Variants in GSTCD observed in about 807,000 individuals in gnomAD.
GSTCD encodes the protein glutathione S-transferase C-terminal domain containing.
A neutral mutation model predicts 68.3 loss-of-function variants in GSTCD; 44 were observed. The observed-to-expected ratio is 0.64, with a 90% confidence interval of 0.51 to 0.83. The LOEUF (loss-of-function observed/expected upper bound fraction) is 0.83, where lower values mean the gene tolerates loss of function less well. Ranked by LOEUF, GSTCD falls within the 40% of genes least tolerant of loss-of-function variation. The probability of loss-of-function intolerance (pLI) is 0.00; values close to 1 mark genes in which losing one functional copy is unlikely to be tolerated. For missense variants in GSTCD, 739 were observed against 735.9 expected (o/e 1.00, Z -0.05); for synonymous variants, 273 against 255.2 (o/e 1.07, Z -0.67).
chr4:105,797,572 T>C (rs1199703728), intron 5 of GSTCD, among the ~76,000 whole-genome samples: 2 of 152,058 alleles, frequency 1.3e-5, no homozygotes, highest in Non-Finnish European at 2.9e-5. Context: ...TTTTTGCTGG[T>C]GGAGGGTCTT....
intron 3 of GSTCD, 98 bp downstream of exon 3, chr4:105,719,625 G>C: frequency 1.2e-6 from 1 of 828,342 alleles, no homozygotes; most frequent in Non-Finnish European, 1.9e-6. Context: ...TCAATATGCT[G>C]CTAGGAAAGT....
intron 5 of GSTCD, among the ~76,000 whole-genome samples, chr4:105,760,628 C>G (rs1294211471): frequency 6.6e-6 from 1 of 152,046 alleles, no homozygotes; most frequent in Non-Finnish European, 1.5e-5. Flanking sequence ...TGAATTTGGC[C>G]TTGAATCAAA....
intron 5 of GSTCD, among the ~76,000 whole-genome samples, chr4:105,763,936 A>T (rs1330686934): frequency 6.6e-6 from 1 of 152,078 alleles, no homozygotes; most frequent in South Asian, 2.1e-4. Flanking sequence ...TAGAATTATT[A>T]TTGGTCACAA....
At chr4:105,719,012 T>C in intron 2 of GSTCD, 48 bp from the exon 3 acceptor site, 1 of 1,403,408 alleles carries the variant, frequency 7.1e-7, no homozygotes, top group East Asian at 2.3e-5. Flanking sequence ...TAAAGTTATA[T>C]TGAAATTAAA....
At chr4:105,845,244 G>A (rs1724502913) in intron 11 of GSTCD, among the ~76,000 whole-genome samples, 197 bp from the exon 12 acceptor site, 1 of 152,156 alleles carries the variant, frequency 6.6e-6, no homozygotes, top group Non-Finnish European at 1.5e-5. Context: ...GCAAATATAT[G>A]AAGTGCCATG....
chr4:105,762,000 C>T (rs746144473), intron 5 of GSTCD: 1 of 152,186 alleles, frequency 6.6e-6, no homozygotes, highest in Admixed American at 6.5e-5. Flanking sequence ...GGAGAAAATT[C>T]CCTAGGTGTT....
chr4:105,823,818 C>A (rs1037354270), intron 7 of GSTCD: 1 of 152,096 alleles, frequency 6.6e-6, no homozygotes, highest in African/African-American at 2.4e-5. Context: ...CACAATGTAT[C>A]CCTTGCTTTC....
intron 1 of GSTCD, among the ~76,000 whole-genome samples, chr4:105,710,544 A>C (rs1340114049): frequency 6.6e-6 from 1 of 151,708 alleles, no homozygotes; most frequent in Non-Finnish European, 1.5e-5. Flanking sequence ...TTGTTTTTTT[A>C]AACTTGTTTT....
At chr4:105,741,888 G>C (rs1733642317) in intron 5 of GSTCD, among the ~76,000 whole-genome samples, 1 of 152,120 alleles carries the variant, frequency 6.6e-6, no homozygotes, top group South Asian at 2.1e-4. Context: ...TTTTAAGTTT[G>C]TTGTTTTCAG....
intron 9 of GSTCD, among the ~76,000 whole-genome samples, chr4:105,837,183 G>A (rs1195090123): frequency 1.3e-5 from 2 of 152,156 alleles, no homozygotes; most frequent in East Asian, 3.9e-4. Context: ...AGATAGTAAA[G>A]GTCTTATCAA....
intron 5 of GSTCD, among the ~76,000 whole-genome samples, chr4:105,762,175 T>C (rs773741871): frequency 6.6e-6 from 1 of 152,212 alleles, no homozygotes; most frequent in Non-Finnish European, 1.5e-5. Flanking sequence ...ATGATTCAGA[T>C]TGGGGCTGTC....
intron 9 of GSTCD, 30 bp downstream of exon 9, chr4:105,834,624 C>G (rs746987134): frequency 2.5e-6 from 4 of 1,604,764 alleles, no homozygotes; most frequent in Non-Finnish European, 1.7e-6. Flanking sequence ...ACATAAGACA[C>G]CAACATGGGT....
At position 105,729,429 on chromosome 4, in the gene GSTCD, T is replaced by C. The variant is rs1733152920; in HGVS notation, c.1170T>C (p.Phe390=). ...AGGAAAAGGGCATTGAAGTGATGTTTTCTCCCCACCCTTGCCCTACTTGGA... is the reference window on the plus strand; with the variant it reads ...AGGAAAAGGGCATTGAAGTGATGTTCTCTCCCCACCCTTGCCCTACTTGGA... ...KLMEKGIEVM[F]SPHPCPTWTL... is the part of the protein sequence containing the mutation. The change falls in exon 5 of 12, where the codon TTT becomes TTC. Residue 390 remains phenylalanine, a synonymous_variant. Coordinates refer to ENST00000515279, the MANE Select transcript of GSTCD (RefSeq NM_001370181.1). 6.2e-7 allele frequency: 1 copy of C among 1,610,362 alleles called. No homozygotes were observed. Among genetic ancestry groups the C allele is most frequent in the East Asian group, 2.2e-5 (1 of 44,762 alleles).
rs1466317102 is a variant in GSTCD, at chr4:105,845,743, A to G, written c.*166A>G. On this transcript the variant is annotated 3_prime_UTR_variant, in exon 12 of 12. Transcript: ENST00000515279. Reference sequence around the variant, plus strand: ...ATCTTGGAAGTAAAGGCTCCCTGCAAAGCATCACAAATGCTTTACAATGTG... The same window carrying G: ...ATCTTGGAAGTAAAGGCTCCCTGCAGAGCATCACAAATGCTTTACAATGTG... The G allele has an allele frequency of 9.4e-6, 6 of 638,136 alleles. No homozygotes were observed. Among genetic ancestry groups the G allele is most frequent in the Non-Finnish European group, 1.6e-5 (6 of 370,352 alleles). The allele number at this position is 638,136 out of a possible 1,614,324, so 39.5% of individuals were successfully genotyped here. A position where few individuals can be genotyped will look rare whatever the true frequency, so the allele number is the denominator to read the frequency against.
At chr4:105,775,383 G>C (rs980635066) in intron 5 of GSTCD, among the ~76,000 whole-genome samples, 1 of 152,016 alleles carries the variant, frequency 6.6e-6, no homozygotes, top group African/African-American at 2.4e-5. Flanking sequence ...ATCCAGTTTT[G>C]TTCCCTTGCT....
At chr4:105,798,102 A>G (rs549992612) in intron 5 of GSTCD, among the ~76,000 whole-genome samples, 1 of 152,270 alleles carries the variant, frequency 6.6e-6, no homozygotes, top group Admixed American at 6.5e-5. Context: ...TTTTCACAGC[A>G]TCTTCATCAG....
chr4:105,831,287 T>C (rs952962759), intron 8 of GSTCD, among the ~76,000 whole-genome samples: 1 of 152,202 alleles, frequency 6.6e-6, no homozygotes, highest in Admixed American at 6.5e-5. Flanking sequence ...GGGGCAAGTT[T>C]AGAGATCATT....
chr4:105,780,082 T>C (rs1396699635), intron 5 of GSTCD, among the ~76,000 whole-genome samples: 2 of 152,184 alleles, frequency 1.3e-5, no homozygotes, highest in African/African-American at 4.8e-5. Flanking sequence ...CAAATACATG[T>C]TAATAATAAT....
intron 5 of GSTCD, among the ~76,000 whole-genome samples, chr4:105,748,106 T>C (rs1409067984): frequency 6.6e-6 from 1 of 151,886 alleles, no homozygotes; most frequent in African/African-American, 2.4e-5. Flanking sequence ...AATACAAAAA[T>C]TAGCTGTGCG....
Sources: allele counts gnomAD v4.1 joint callset (sites outside exome capture counted in the v4.1 genomes callset), GRCh38; gene constraint gnomAD v4.1.1; transcripts MANE v1.5; gene names NCBI Gene and HGNC (gene_info 2026-07-23, HGNC 2026-07-21).